CCSER2: variants seen among roughly 807,000 people sequenced by gnomAD.
The protein encoded by CCSER2 is coiled-coil serine rich protein 2.
A neutral mutation model predicts 92.3 loss-of-function variants in CCSER2; 46 were observed. The ratio of observed to expected loss-of-function variants is 0.50; its 90% CI spans 0.39 to 0.64. The LOEUF is 0.64. CCSER2 is among the 30% of genes least tolerant of loss of function. The probability of loss-of-function intolerance (pLI) is 0.00; values close to 1 mark genes in which losing one functional copy is unlikely to be tolerated. For missense variants in CCSER2, 1,244 were observed against 1,238.9 expected (o/e 1.00, Z -0.06); for synonymous variants, 433 against 431.4 (o/e 1.00, Z -0.04).
intron 3 of CCSER2, 124 bp downstream of exon 3, chr10:84,373,939 T>C: frequency 6.6e-7 from 1 of 1,504,556 alleles, no homozygotes; most frequent in East Asian, 2.5e-5. Context: ...TGGAAATTCA[T>C]ATTTGTTAAG....
chr10:84,431,917 A>G (rs2133466878), intron 5 of CCSER2, among the ~76,000 whole-genome samples: 1 of 152,334 alleles, frequency 6.6e-6, no homozygotes, highest in Admixed American at 6.5e-5. Flanking sequence ...TTTGGTAAAT[A>G]TCAAGGAGCA....
At chr10:84,402,094 G>A (rs1842148579) in intron 3 of CCSER2, among the ~76,000 whole-genome samples, 2 of 152,086 alleles carry the variant, frequency 1.3e-5, no homozygotes, top group Admixed American at 1.3e-4. Context: ...TCCGCATGTG[G>A]CCTCAAGGCA....
chr10:84,400,520 G>A (rs1470117922), intron 3 of CCSER2, among the ~76,000 whole-genome samples: 1 of 152,016 alleles, frequency 6.6e-6, no homozygotes, highest in Non-Finnish European at 1.5e-5. Context: ...TTATATTGAG[G>A]CCATTGATCC....
In CCSER2 at chr10:84,328,873, G is replaced by T; in HGVS notation, c.-40+65G>T. The T allele has an allele frequency of 2.6e-5, 4 of 152,078 alleles. No individual in the cohort carries two copies. The South Asian group carries it at 5.8e-4, about 22-fold the overall frequency. 9.4% of individuals were successfully genotyped at this position (152,078 alleles called of 1,614,324 possible). The stretch of plus-strand genomic sequence containing the variant: ...GCGGCGGGCGCCGGGGGCAGCCCAA[G>T]ACCAGGCACGCAGTCCGGGGCGGGG... On this transcript the variant is annotated intron_variant, in intron 1 of 9. Transcript: ENST00000372088.
intron 3 of CCSER2, among the ~76,000 whole-genome samples, chr10:84,412,287 G>A (rs532068198): frequency 1.3e-5 from 2 of 152,190 alleles, no homozygotes; most frequent in South Asian, 4.1e-4. Flanking sequence ...TTTGGTATCA[G>A]GATGATGGTG....
chr10:84,360,299 T>C (rs1845426268), intron 1 of CCSER2, among the ~76,000 whole-genome samples: 1 of 152,242 alleles, frequency 6.6e-6, no homozygotes, highest in Non-Finnish European at 1.5e-5. Flanking sequence ...TTTCTTACTT[T>C]GTGATTCTAT....
At chr10:84,472,919 T>C (rs950443449) in intron 8 of CCSER2, 4 of 152,196 alleles carry the variant, frequency 2.6e-5, no homozygotes, top group African/African-American at 7.2e-5. Flanking sequence ...TCCTGTACTT[T>C]GATGTCCCTA....
intron 3 of CCSER2, chr10:84,391,617 C>T: frequency 6.5e-7 from 1 of 1,531,076 alleles, no homozygotes; most frequent in South Asian, 1.1e-5. Flanking sequence ...CCTTATATTC[C>T]TATGGTGTTG....
At chr10:84,360,488 G>A (rs1242946904) in intron 1 of CCSER2, among the ~76,000 whole-genome samples, 1 of 152,314 alleles carries the variant, frequency 6.6e-6, no homozygotes, top group African/African-American at 2.4e-5. Flanking sequence ...GAAGCAGTTT[G>A]AGGCTTTTAA....
At chr10:84,414,082 G>A (rs920541408) in intron 3 of CCSER2, among the ~76,000 whole-genome samples, 1 of 152,158 alleles carries the variant, frequency 6.6e-6, no homozygotes, top group African/African-American at 2.4e-5. Flanking sequence ...CATACCGATG[G>A]ATCTTGGCTA....
intron 6 of CCSER2, among the ~76,000 whole-genome samples, chr10:84,459,537 A>G (rs889592388): frequency 5.3e-5 from 8 of 151,808 alleles, no homozygotes; most frequent in Admixed American, 3.3e-4. Context: ...TTGGGGGGGA[A>G]TCAGAGACAG....
intron 9 of CCSER2, among the ~76,000 whole-genome samples, chr10:84,486,150 A>C (rs1272392796): frequency 1.3e-5 from 2 of 152,084 alleles, no homozygotes; most frequent in East Asian, 3.8e-4. Context: ...TCATTGATGG[A>C]CATTTGGGTT....
At chr10:84,420,542 C>G (rs1314845747) in intron 4 of CCSER2, among the ~76,000 whole-genome samples, 3 of 152,090 alleles carry the variant, frequency 2.0e-5, no homozygotes, top group African/African-American at 7.2e-5. Context: ...GTTACAGGGA[C>G]TGATAGAGAT....
intron 1 of CCSER2, among the ~76,000 whole-genome samples, chr10:84,346,256 G>C (rs1006854421): frequency 2.0e-5 from 3 of 152,074 alleles, no homozygotes; most frequent in Non-Finnish European, 4.4e-5. Context: ...TAGAGACGGG[G>C]TTTCTCTATG....
At position 84,488,433 on chromosome 10, in the gene CCSER2, A is replaced by C. The variant is rs534726689; in HGVS notation, c.2325+10769A>C. On this transcript the variant is annotated intron_variant, in intron 9 of 9. Transcript: ENST00000372088. ...CAATTTCAGAGCCTGTTGTTGGTCTATTCAGGGATTCAAGTTCTTCCTGGT... is the reference window on the plus strand; with the variant it reads ...CAATTTCAGAGCCTGTTGTTGGTCTCTTCAGGGATTCAAGTTCTTCCTGGT... 1.2e-4 allele frequency among the ~76,000 whole-genome samples: 19 copies of C among 152,264 alleles called. No individual in the cohort carries two copies. The South Asian group carries it at 3.9e-3, about 32-fold the overall frequency.
At chr10:84,380,918 A>G (rs1840869320) in intron 3 of CCSER2, among the ~76,000 whole-genome samples, 4 of 152,016 alleles carry the variant, frequency 2.6e-5, no homozygotes, top group Admixed American at 2.6e-4. Context: ...GATGGTCTCG[A>G]TCTCCTGACC....
chr10:84,352,799 C>A (rs1844937141), intron 1 of CCSER2, among the ~76,000 whole-genome samples: 1 of 144,776 alleles, frequency 6.9e-6, no homozygotes, highest in Admixed American at 6.9e-5. Context: ...TGCGATAATT[C>A]TTTTTTTTTT....
intron 9 of CCSER2, among the ~76,000 whole-genome samples, chr10:84,481,078 G>A (rs778512264): frequency 3.9e-5 from 6 of 152,018 alleles, no homozygotes; most frequent in Non-Finnish European, 7.4e-5. Context: ...CTTGGTGGCC[G>A]TGATGTTAGG....
intron 6 of CCSER2, among the ~76,000 whole-genome samples, chr10:84,449,678 A>G (rs1482575673): frequency 2.6e-5 from 4 of 152,138 alleles, no homozygotes; most frequent in Non-Finnish European, 5.9e-5. Context: ...AACATGAAGA[A>G]ACCCCGTCTC....
Sources: gnomAD v4.1 joint callset for allele counts (sites outside exome capture counted in the v4.1 genomes callset) on GRCh38, gnomAD v4.1.1 for gene constraint, MANE v1.5 for transcripts, NCBI Gene and HGNC (gene_info 2026-07-23, HGNC 2026-07-21) for gene names.